Variants in IQSEC1 observed in about 807,000 individuals in gnomAD.
IQSEC1 encodes IQ motif and SEC7 domain-containing protein 1.
Under a neutral mutation model 91.0 loss-of-function variants are expected in IQSEC1, and 31 were observed. The ratio of observed to expected loss-of-function variants is 0.34; its 90% confidence interval spans 0.26 to 0.46. The LOEUF is 0.46. IQSEC1 is among the 20% of genes least tolerant of loss of function. The probability of loss-of-function intolerance (pLI) is 1.00; values close to 1 mark genes in which losing one functional copy is unlikely to be tolerated. For missense variants in IQSEC1, 1,388 were observed against 1,575.6 expected (o/e 0.88, Z 2.02); for synonymous variants, 699 against 662.6 (o/e 1.05, Z -0.84).
chr3:13,022,745 C>G (rs1000607759), intron 1 of IQSEC1: 1 of 152,510 alleles, frequency 6.6e-6, no homozygotes, highest in Non-Finnish European at 1.5e-5. Flanking sequence ...TCTGCCACCT[C>G]ACTCCTAGAG....
intron 1 of IQSEC1, among the ~76,000 whole-genome samples, chr3:13,220,775 A>G (rs1231534049): frequency 2.0e-5 from 3 of 152,200 alleles, no homozygotes; most frequent in Non-Finnish European, 4.4e-5. Context: ...CTGGACACTC[A>G]CGTCCCGGGA....
At chr3:13,023,185 CTG>C (rs1270524187) in intron 1 of IQSEC1, among the ~76,000 whole-genome samples, 1 of 152,186 alleles carries the variant, frequency 6.6e-6, no homozygotes, top group Non-Finnish European at 1.5e-5. Flanking sequence ...TGGCTCCTCT[CTG>C]TAGGGATGGA....
intron 1 of IQSEC1, among the ~76,000 whole-genome samples, chr3:13,243,237 C>T (rs899949246): frequency 2.0e-5 from 3 of 152,184 alleles, no homozygotes; most frequent in Non-Finnish European, 2.9e-5. Context: ...TTCCTGCACA[C>T]CCTTGGGCAG....
intron 1 of IQSEC1, among the ~76,000 whole-genome samples, chr3:12,961,164 C>G (rs1327536666): frequency 2.0e-5 from 3 of 152,206 alleles, no homozygotes; most frequent in Non-Finnish European, 4.4e-5. Flanking sequence ...AGAAGCAGCC[C>G]CAGGTACCAC....
chr3:13,066,846 C>A (rs192284712), intron 1 of IQSEC1, among the ~76,000 whole-genome samples: 1 of 152,198 alleles, frequency 6.6e-6, no homozygotes, highest in African/African-American at 2.4e-5. Context: ...ACAGGCCTGG[C>A]GTGTGTCAGG....
At chr3:12,931,871 C>G (rs1220716838) in intron 3 of IQSEC1, among the ~76,000 whole-genome samples, 8 of 152,170 alleles carry the variant, frequency 5.3e-5, no homozygotes, top group Non-Finnish European at 8.8e-5. Flanking sequence ...CCTCAGAGGC[C>G]CCTGTGGAAA....
At chr3:13,270,761 A>G (rs907158639) in intron 1 of IQSEC1, among the ~76,000 whole-genome samples, 60 of 152,378 alleles carry the variant, frequency 3.9e-4, no homozygotes, top group African/African-American at 1.4e-3. Flanking sequence ...CAGAAAATAA[A>G]TGACAAAATT....
At position 12,967,532 on chromosome 3, in the gene IQSEC1, C is replaced by T; in HGVS notation, c.24-25667G>A. 7.2e-7 allele frequency: 1 copy of T among 1,389,504 alleles called. No homozygotes were observed. The highest frequency in any genetic ancestry group is 1.5e-5 in the African/African-American group (1 of 65,678). The allele number at this position is 1,389,504 out of a possible 1,614,324, so 86.1% of individuals were successfully genotyped here. On this transcript the variant is annotated intron_variant, in intron 1 of 13. Transcript: ENST00000613206. This position sits in a 1 kb window ranked among gnomAD's most constrained non-coding sequence, Gnocchi z 5.9. ...GCCGCCGACTCCCGCCAGCGAGCCG[C>T]CGGATCCCGGGGCCGACACCCGGCC... is the stretch of plus-strand genomic sequence containing the variant.
intron 1 of IQSEC1, among the ~76,000 whole-genome samples, chr3:13,071,382 T>C (rs394206): frequency 0.75 from 113,732 of 151,766 alleles, 42,791 homozygotes; most frequent in South Asian, 0.89. Flanking sequence ...CCAAGTAATC[T>C]GAATATGAAT....
rs1701371530 is a variant in IQSEC1 at position 12,979,910 on chromosome 3, A to G, written c.24-38045T>C. 6.6e-6 allele frequency among the ~76,000 whole-genome samples: 1 copy of G among 152,156 alleles called. No individual in the cohort carries two copies. Among genetic ancestry groups the G allele is most frequent in the Non-Finnish European group, 1.5e-5 (1 of 68,032 alleles). ...CTAAGAATCCATTTTGCGCAACAAG[A>G]AACAGCATACTCAAGCGAGAAATGA... is the stretch of plus-strand genomic sequence containing the variant. On this transcript the variant is annotated intron_variant, in intron 1 of 13. Coordinates refer to ENST00000613206, the MANE Select transcript of IQSEC1 (RefSeq NM_001134382.3). This position sits in a 1 kb window ranked among gnomAD's most constrained non-coding sequence, Gnocchi z 4.3.
At position 13,162,117 on chromosome 3, in the gene IQSEC1, C is replaced by G. The variant is rs190455219; in HGVS notation, c.302+1987G>C. On this transcript the variant is annotated intron_variant, in intron 2 of 15. Coordinates refer to the IQSEC1 transcript ENST00000648114. ...TCCCCACCACGAGGGTGTATTCACT[C>G]TACATGTTCACTAGCCCCCGCTCAG... is the stretch of plus-strand genomic sequence containing the variant. 1.6e-3 allele frequency among the ~76,000 whole-genome samples: 251 copies of G among 152,352 alleles called. 1 individual carries two copies. The highest frequency in any genetic ancestry group is 5.9e-3 in the African/African-American group (247 of 41,584).
intron 1 of IQSEC1, among the ~76,000 whole-genome samples, chr3:13,223,679 G>C (rs1414745891): frequency 6.6e-6 from 1 of 152,220 alleles, no homozygotes; most frequent in African/African-American, 2.4e-5. Flanking sequence ...AGACACACTG[G>C]GGACATGCAG....
intron 2 of IQSEC1, among the ~76,000 whole-genome samples, chr3:13,126,201 C>G (rs1424021227): frequency 1.3e-5 from 2 of 152,132 alleles, no homozygotes; most frequent in Non-Finnish European, 2.9e-5. Context: ...TCTCATGCCT[C>G]TTTGTAATCC....
At position 13,259,136 on chromosome 3, in the gene IQSEC1, A is replaced by G. The variant is rs1014109469; in HGVS notation, c.272+23575T>C. On this transcript the variant is annotated intron_variant, in intron 1 of 15. Coordinates refer to the IQSEC1 transcript ENST00000648114. This position sits in a 1 kb window ranked among gnomAD's most constrained non-coding sequence, Gnocchi z 4.6. ...AATGCTTCCCCACAGCAGCCAGAAA[A>G]AAATCCCAACTGCCCCCACTGGGCC... Among the ~76,000 whole-genome samples, 3 of 152,186 alleles carry G rather than the reference A, an allele frequency of 2.0e-5. No homozygotes were observed. Among genetic ancestry groups the G allele is most frequent in the African/African-American group, 7.2e-5 (3 of 41,446 alleles).
intron 2 of IQSEC1, among the ~76,000 whole-genome samples, chr3:13,080,457 A>C (rs1044510418): frequency 2.0e-5 from 3 of 152,044 alleles, no homozygotes; most frequent in African/African-American, 7.2e-5. Flanking sequence ...GGGAGATATA[A>C]CCCCTGCCCC....
intron 2 of IQSEC1, among the ~76,000 whole-genome samples, chr3:13,144,530 A>C (rs1706855824): frequency 6.6e-6 from 1 of 152,194 alleles, no homozygotes; most frequent in African/African-American, 2.4e-5. Context: ...CCACACAGAC[A>C]ATCCCCATTC....
At chr3:13,104,435 G>A (rs1260290346) in intron 2 of IQSEC1, among the ~76,000 whole-genome samples, 2 of 152,024 alleles carry the variant, frequency 1.3e-5, no homozygotes, top group Non-Finnish European at 2.9e-5. Flanking sequence ...TACATTTCTG[G>A]GCTCTCTGTA....
At chr3:13,024,857 T>G (rs1050320556) in intron 1 of IQSEC1, among the ~76,000 whole-genome samples, 4 of 152,242 alleles carry the variant, frequency 2.6e-5, no homozygotes, top group Non-Finnish European at 4.4e-5. Context: ...CTTTGACTCC[T>G]TTGTCCCTAC....
rs141674671 is a variant in IQSEC1 at position 13,259,545 on chromosome 3, G to A, written c.272+23166C>T. 2.8e-4 allele frequency among the ~76,000 whole-genome samples: 42 copies of A among 152,162 alleles called. No homozygotes were observed. Among genetic ancestry groups the A allele is most frequent in the African/African-American group, 8.7e-4 (36 of 41,430 alleles). On this transcript the variant is annotated intron_variant, in intron 1 of 15. Coordinates refer to the IQSEC1 transcript ENST00000648114. This position sits in a 1 kb window ranked among gnomAD's most constrained non-coding sequence, Gnocchi z 4.6. ...ATACAGCCGACTCCCCAAGGCCTTCGAGGCGGGCTGATGGATGCAGTGTTT... is the reference window on the plus strand; with the variant it reads ...ATACAGCCGACTCCCCAAGGCCTTCAAGGCGGGCTGATGGATGCAGTGTTT...
Sources: allele counts gnomAD v4.1 joint callset (sites outside exome capture counted in the v4.1 genomes callset), GRCh38; gene constraint gnomAD v4.1.1; non-coding constraint Gnocchi (gnomAD v3.1); transcripts MANE v1.5; gene names NCBI Gene and HGNC (gene_info 2026-07-23, HGNC 2026-07-21).